ARHGEF10: variants seen among roughly 807,000 people sequenced by gnomAD.
ARHGEF10 encodes Rho guanine nucleotide exchange factor 10, also known as Rho guanine nucleotide exchange factor (GEF) 10.
ARHGEF10 carries 140 observed loss-of-function variants against 147.4 expected under a neutral mutation model. That is an observed-to-expected ratio of 0.95 (90% CI 0.83 to 1.09). The LOEUF is 1.09. ARHGEF10 is among the 50% of genes least tolerant of loss of function. The pLI is 0.00. For synonymous variants in ARHGEF10, 902 were observed against 695.8 expected, an observed-to-expected ratio of 1.30 and a Z score of -4.67; for missense variants, 2,222 against 1,752.7, an observed-to-expected ratio of 1.27 and a Z score of -4.78.
chr8:1,885,690 G>T lies in ARHGEF10; in HGVS notation c.1165G>T (p.Gly389Cys). 1 of 1,613,888 alleles carries T rather than the reference G, an allele frequency of 6.2e-7. No individual in the cohort carries two copies. Among genetic ancestry groups the T allele is most frequent in the Non-Finnish European group, 8.5e-7 (1 of 1,179,910 alleles). Residue 389 changes from glycine to cysteine, a missense_variant, in exon 11 of 29, where the codon GGT (glycine) becomes TGT (cysteine). Physicochemically the swap from Gly to Cys is radical, Grantham distance 159. Transcript: ENST00000349830. Reference protein sequence around the residue: ...PEAILTPMPEGLSQQQVVRRY... With the variant: ...PEAILTPMPECLSQQQVVRRY... The stretch of plus-strand genomic sequence containing the variant: ...AGCCATCTTGACCCCGATGCCCGAG[G>T]GTTTATCTCAGCAGCAGGTGAGATG...
chr8:1,844,979 T>C (rs1804441565), intron 2 of ARHGEF10, among the ~76,000 whole-genome samples: 1 of 152,124 alleles, frequency 6.6e-6, no homozygotes, highest in Non-Finnish European at 1.5e-5. Flanking sequence ...AAAATAATGA[T>C]ATGATAATAA....
At chr8:1,867,188 T>G (rs1210621403) in intron 6 of ARHGEF10, among the ~76,000 whole-genome samples, 1 of 152,218 alleles carries the variant, frequency 6.6e-6, no homozygotes, top group Non-Finnish European at 1.5e-5. Context: ...ATTTGTAACT[T>G]AAAAATAAGT....
At chr8:1,854,842 G>A (rs1248548835) in intron 2 of ARHGEF10, among the ~76,000 whole-genome samples, 3 of 152,184 alleles carry the variant, frequency 2.0e-5, no homozygotes, top group Non-Finnish European at 2.9e-5. Flanking sequence ...ACTGCACCTT[G>A]CTGGGCGGTG....
In ARHGEF10 at chr8:1,958,615, A is replaced by C. The variant is rs746978292; in HGVS notation, c.*1352A>C. On this transcript the variant is annotated 3_prime_UTR_variant, in exon 29 of 29. Transcript: ENST00000349830. ...CTGTTAGCTGCTGTCTGACTTCATC[A>C]ATAAAGTATTTTTATTTTAAAATGC... 3 of 152,018 alleles carry C rather than the reference A, an allele frequency of 2.0e-5. No homozygotes were observed. Among genetic ancestry groups the C allele is most frequent in the Non-Finnish European group, 4.4e-5 (3 of 68,026 alleles). The allele number at this position is 152,018 out of a possible 1,614,324, so 9.4% of individuals were successfully genotyped here.
intron 25 of ARHGEF10, among the ~76,000 whole-genome samples, chr8:1,930,712 C>T (rs906338677): frequency 2.0e-5 from 3 of 152,246 alleles, no homozygotes; most frequent in Admixed American, 6.5e-5. Context: ...TTTGACACCT[C>T]CTCCTTGGGG....
rs537168044 is a variant in ARHGEF10 at position 1,840,475 on chromosome 8, T to C, written c.-47-2878T>C. On this transcript the variant is annotated intron_variant, in intron 1 of 28. Transcript: ENST00000349830. ...TGTGGAAGCTGTCCGGTGTGGGTAC[T>C]GTCCTGTGTGGAAGCTGTCCGGTGT... Among the ~76,000 whole-genome samples, 295 of 144,722 alleles carry C rather than the reference T, an allele frequency of 2.0e-3. 11 individuals are homozygous for C. The highest frequency in any genetic ancestry group is 7.1e-3 in the African/African-American group (279 of 39,362). 94.9% of individuals were successfully genotyped at this position (144,722 alleles called of 152,430 possible). A position where few individuals can be genotyped will look rare whatever the true frequency, so the allele number is the denominator to read the frequency against.
intron 7 of ARHGEF10, among the ~76,000 whole-genome samples, chr8:1,873,652 GTGC>G (rs1391520895): frequency 7.5e-6 from 1 of 133,448 alleles, no homozygotes; most frequent in East Asian, 2.4e-4. Context: ...GCCTTGAGAG[GTGC>G]CGCGGGGTAG....
rs1407054666 is a variant in ARHGEF10, at chr8:1,893,601, C to A, written c.1215C>A (p.Val405=). The A allele has an allele frequency of 3.7e-6, 6 of 1,613,530 alleles. No homozygotes were observed. The highest frequency in any genetic ancestry group is 5.1e-6 in the Non-Finnish European group (6 of 1,179,690). Residue 405 remains valine, a synonymous_variant, in exon 12 of 29, where the codon GTC becomes GTA. Coordinates refer to ENST00000349830, the MANE Select transcript of ARHGEF10 (RefSeq NM_014629.4). ...GAAGATATATACTGGGTTCAGTTGT[C>A]GACAGTGAAAAGAACTACGTAGATG... ...VVRRYILGSV[V]DSEKNYVDAL...
intron 1 of ARHGEF10, among the ~76,000 whole-genome samples, chr8:1,833,681 C>A (rs138474486): frequency 5.3e-4 from 81 of 152,356 alleles, no homozygotes; most frequent in African/African-American, 1.9e-3. Context: ...CCCCAGGCCG[C>A]TGCTGCCCTC....
chr8:1,896,397 C>T lies in ARHGEF10; in HGVS notation c.1505C>T (p.Ala502Val), dbSNP rs1330737223. The change falls in exon 14 of 29, where the codon GCA becomes GTA. Residue 502 changes from alanine to valine, a missense_variant. By Grantham distance (64) the Ala-to-Val change is moderately conservative. Coordinates refer to ENST00000349830, the MANE Select transcript of ARHGEF10 (RefSeq NM_014629.4). Reference protein sequence around the residue: ...EYVNNFSTAVAVLKKTCATKP... With the variant: ...EYVNNFSTAVVVLKKTCATKP... The stretch of plus-strand genomic sequence containing the variant: ...GTGAACAATTTCAGCACAGCCGTGG[C>T]AGTCCTCAAGAAAACATGTGCCACA... 3 of 1,613,990 alleles carry T rather than the reference C, an allele frequency of 1.9e-6. No individual in the cohort carries two copies. Among genetic ancestry groups the T allele is most frequent in the African/African-American group, 2.7e-5 (2 of 75,012 alleles).
At chr8:1,838,984 C>G (rs891326557) in intron 1 of ARHGEF10, among the ~76,000 whole-genome samples, 1 of 146,176 alleles carries the variant, frequency 6.8e-6, no homozygotes, top group Non-Finnish European at 1.5e-5. Context: ...GACTCTCTGG[C>G]GTGGGGGCCA....
At position 1,930,758 on chromosome 8, in the gene ARHGEF10, CCTT is replaced by C. The variant is rs1448485648; in HGVS notation, c.3079+1318_3079+1320del. On this transcript the variant is annotated intron_variant, in intron 25 of 28. Transcript: ENST00000349830. ...GACCTGCTCCACGGGGACGGCCCCTCCTTCTCCCGTGTGGTTCCGGCCTGGCCT... is the reference window on the plus strand; with the variant it reads ...GACCTGCTCCACGGGGACGGCCCCTCCTCCCGTGTGGTTCCGGCCTGGCCT... Among the ~76,000 whole-genome samples, 5 of 152,258 alleles carry C rather than the reference CCTT, an allele frequency of 3.3e-5. No individual in the cohort carries two copies. In the East Asian group the frequency reaches 9.6e-4, roughly 29 times the overall value.
At chr8:1,859,686 T>C (rs193287811) in intron 3 of ARHGEF10, among the ~76,000 whole-genome samples, 2 of 152,334 alleles carry the variant, frequency 1.3e-5, no homozygotes, top group East Asian at 3.9e-4. Flanking sequence ...GTGACCAGGC[T>C]GCATCCGTCT....
At chr8:1,921,177 C>A (rs1282582176) in intron 18 of ARHGEF10, among the ~76,000 whole-genome samples, 1 of 152,152 alleles carries the variant, frequency 6.6e-6, no homozygotes, top group Non-Finnish European at 1.5e-5. Flanking sequence ...TTACCATGTT[C>A]ATAAATACCA....
rs768235943 is a variant in ARHGEF10 at position 1,858,135 on chromosome 8, C to T, written c.193+20C>T. The T allele has an allele frequency of 6.2e-7, 1 of 1,603,190 alleles. No homozygotes were observed. The highest frequency in any genetic ancestry group is 1.7e-5 in the Admixed American group (1 of 59,214). On this transcript the variant is annotated intron_variant, in intron 3 of 28. Transcript: ENST00000349830. ...CCACAGGTGAGTTTCCAGGAGGGTCCCCAGGTGAGTCCCCAGGTGGGTCCC... is the reference window on the plus strand; with the variant it reads ...CCACAGGTGAGTTTCCAGGAGGGTCTCCAGGTGAGTCCCCAGGTGGGTCCC...
intron 1 of ARHGEF10, among the ~76,000 whole-genome samples, chr8:1,835,449 C>G (rs1441936920): frequency 1.3e-5 from 2 of 152,018 alleles, no homozygotes; most frequent in South Asian, 2.1e-4. Context: ...CCGGCACAGG[C>G]TTCAGCCCTG....
At chr8:1,902,284 T>A (rs1278255074) in intron 15 of ARHGEF10, among the ~76,000 whole-genome samples, 3 of 151,988 alleles carry the variant, frequency 2.0e-5, no homozygotes, top group African/African-American at 7.3e-5. Flanking sequence ...AACGTCAGCG[T>A]GTCGAATGTG....
chr8:1,947,282 G>A (rs987578223), intron 27 of ARHGEF10, among the ~76,000 whole-genome samples: 20 of 152,186 alleles, frequency 1.3e-4, no homozygotes, highest in Non-Finnish European at 2.4e-4. Flanking sequence ...TCCAGCACCC[G>A]AGCCTCCAAA....
rs1034198092 is a variant in ARHGEF10, at chr8:1,850,563, C to T, written c.37+7127C>T. On this transcript the variant is annotated intron_variant, in intron 2 of 28. Coordinates refer to ENST00000349830, the MANE Select transcript of ARHGEF10 (RefSeq NM_014629.4). ...CGTGGGGCAGCTGCGTGGACACAGACGGCAAATGCTGAGGAGGGCCGGGTG... is the reference window on the plus strand; with the variant it reads ...CGTGGGGCAGCTGCGTGGACACAGATGGCAAATGCTGAGGAGGGCCGGGTG... Among the ~76,000 whole-genome samples the T allele has an allele frequency of 2.0e-3, 282 of 142,978 alleles. 1 individual carries two copies. Among genetic ancestry groups the T allele is most frequent in the African/African-American group, 7.0e-3 (270 of 38,488 alleles). 93.8% of individuals were successfully genotyped at this position (142,978 alleles called of 152,430 possible).
Sources: gnomAD v4.1 joint callset for allele counts (sites outside exome capture counted in the v4.1 genomes callset) on GRCh38, gnomAD v4.1.1 for gene constraint, MANE v1.5 for transcripts, NCBI Gene and HGNC (gene_info 2026-07-23, HGNC 2026-07-21) for gene names.